Variants in PHF24 observed in about 807,000 individuals in gnomAD.
The protein encoded by PHF24 is PHD finger protein 24.
In PHF24, 25 loss-of-function variants were observed where a neutral mutation model predicts 42.6. The observed-to-expected ratio is 0.59, with a 90% CI of 0.43 to 0.82. PHF24 has a LOEUF of 0.82. Ranked by LOEUF, PHF24 falls within the 40% of genes least tolerant of loss-of-function variation. The pLI is 0.00. For synonymous variants in PHF24, 185 were observed against 204.8 expected (o/e 0.90, Z 0.83); for missense variants, 470 against 538.1 (o/e 0.87, Z 1.25).
chr9:34,961,892 C>CGG (rs1482131169), intron 1 of PHF24, among the ~76,000 whole-genome samples: 43 of 152,196 alleles, frequency 2.8e-4, no homozygotes, highest in African/African-American at 9.9e-4. Flanking sequence ...TTACTGGGGT[C>CGG]CTCTCACTGA....
chr9:34,860,435 C>A, the PHF24 span, among the ~76,000 whole-genome samples: 1 of 152,130 alleles, frequency 6.6e-6, no homozygotes, highest in African/African-American at 2.4e-5. Context: ...ATGGCAAAAA[C>A]TGCAATTACT....
chr9:34,701,134 A>AGCCTC, the PHF24 span, among the ~76,000 whole-genome samples: 2 of 152,064 alleles, frequency 1.3e-5, no homozygotes, highest in Admixed American at 6.6e-5. This position sits in a 1 kb window ranked among gnomAD's most constrained non-coding sequence, Gnocchi z 5.8. Context: ...AGCCCAGCCT[A>AGCCTC]GCCTCATCCT....
the PHF24 span, among the ~76,000 whole-genome samples, chr9:34,854,977 TA>T: frequency 2.0e-5 from 3 of 152,224 alleles, no homozygotes; most frequent in African/African-American, 7.2e-5. Flanking sequence ...GGTGTATGTA[TA>T]TTTAGGATAG....
At chr9:34,758,889 A>G in the PHF24 span, among the ~76,000 whole-genome samples, 2 of 151,914 alleles carry the variant, frequency 1.3e-5, no homozygotes, top group African/African-American at 4.8e-5. This position sits in a 1 kb window ranked among gnomAD's most constrained non-coding sequence, Gnocchi z 4.4. Flanking sequence ...TTTCCCCTCA[A>G]AGGGAAGTCC....
the PHF24 span, among the ~76,000 whole-genome samples, chr9:34,760,682 C>T: frequency 2.6e-5 from 4 of 152,196 alleles, no homozygotes; most frequent in South Asian, 2.1e-4. Context: ...CCTAGTCCTG[C>T]GACGTCTCGG....
chr9:34,672,804 T>C, the PHF24 span, among the ~76,000 whole-genome samples: 1 of 152,188 alleles, frequency 6.6e-6, no homozygotes, highest in East Asian at 1.9e-4. Context: ...TATTTATTTT[T>C]AATTTGTTAT....
At chr9:34,969,567 G>A (rs923103151) in intron 1 of PHF24, among the ~76,000 whole-genome samples, 8 of 151,894 alleles carry the variant, frequency 5.3e-5, no homozygotes, top group African/African-American at 1.7e-4. Flanking sequence ...CTTGAACTCA[G>A]GAGGCAGAGG....
At chr9:34,809,044 A>AT in the PHF24 span, among the ~76,000 whole-genome samples, 2,352 of 112,478 alleles carry the variant, frequency 0.021, 60 homozygotes, top group East Asian at 0.17. This position sits in a 1 kb window ranked among gnomAD's most constrained non-coding sequence, Gnocchi z 4.1. Flanking sequence ...TAATAAAAAA[A>AT]AAAAATAATA....
the PHF24 span, among the ~76,000 whole-genome samples, chr9:34,731,128 T>C: frequency 6.6e-6 from 1 of 152,204 alleles, no homozygotes; most frequent in Admixed American, 6.5e-5. Flanking sequence ...TTTTAAAAAA[T>C]GTTTTATTTT....
At chr9:34,894,341 C>T in the PHF24 span, 6 of 397,446 alleles carry the variant, frequency 1.5e-5, no homozygotes, top group Non-Finnish European at 2.7e-5. Context: ...ATGTCTCCCT[C>T]CCATCCATTT....
At chr9:34,703,045 G>A in the PHF24 span, among the ~76,000 whole-genome samples, 6 of 152,272 alleles carry the variant, frequency 3.9e-5, no homozygotes, top group African/African-American at 7.2e-5. Context: ...ACAGGTAAGC[G>A]ATTATAGCTG....
At chr9:34,835,456 G>A in the PHF24 span, 1 of 1,551,918 alleles carries the variant, frequency 6.4e-7, no homozygotes, top group South Asian at 1.2e-5. Context: ...ATGGCAGGTG[G>A]GCAGGGAGGA....
At chr9:34,739,018 C>G in the PHF24 span, among the ~76,000 whole-genome samples, 1 of 152,194 alleles carries the variant, frequency 6.6e-6, no homozygotes, top group Non-Finnish European at 1.5e-5. Context: ...ACTTCTATTT[C>G]CTCTACCTAC....
At chr9:34,840,738 T>C in the PHF24 span, among the ~76,000 whole-genome samples, 1 of 152,160 alleles carries the variant, frequency 6.6e-6, no homozygotes, top group Non-Finnish European at 1.5e-5. Flanking sequence ...CATATCATTT[T>C]CTTTAATGTC....
chr9:34,726,185 A>G, the PHF24 span: 497,868 of 1,102,674 alleles, frequency 0.45, 195,398 homozygotes, highest in South Asian at 0.71. Flanking sequence ...AATGGTCTCA[A>G]ATCTATGAAG....
the PHF24 span, among the ~76,000 whole-genome samples, chr9:34,668,237 C>A: frequency 6.6e-6 from 1 of 152,170 alleles, no homozygotes; most frequent in Admixed American, 6.5e-5. Flanking sequence ...CTACTCCACC[C>A]ACATGCACTG....
chr9:34,885,654 C>CT, the PHF24 span, among the ~76,000 whole-genome samples: 2 of 152,142 alleles, frequency 1.3e-5, no homozygotes, highest in Non-Finnish European at 2.9e-5. Context: ...CTCCCTGGTC[C>CT]TTTACCTCAC....
the PHF24 span, chr9:34,834,900 G>T: frequency 1.4e-6 from 2 of 1,411,116 alleles, no homozygotes; most frequent in Non-Finnish European, 1.9e-6. Flanking sequence ...AAGAGAAAAG[G>T]ATCCTTCAAG....
the PHF24 span, among the ~76,000 whole-genome samples, chr9:34,755,936 A>G: frequency 2.0e-5 from 3 of 152,128 alleles, no homozygotes; most frequent in African/African-American, 7.2e-5. Context: ...TCAGTTTGGT[A>G]TAATCTCATT....
Sources: allele counts gnomAD v4.1 joint callset (sites outside exome capture counted in the v4.1 genomes callset), GRCh38; gene constraint gnomAD v4.1.1; non-coding constraint Gnocchi (gnomAD v3.1); transcripts MANE v1.5; gene names NCBI Gene and HGNC (gene_info 2026-07-23, HGNC 2026-07-21).